ARHGAP22: variants seen among roughly 807,000 people sequenced by gnomAD.
The protein encoded by ARHGAP22 is Rho GTPase activating protein 22, also known as rho GTPase-activating protein 22.
A neutral mutation model predicts 59.1 loss-of-function variants in ARHGAP22; 48 were observed. The observed-to-expected ratio is 0.81, with a 90% CI of 0.64 to 1.03. ARHGAP22 has a LOEUF of 1.03. Ranked by LOEUF, ARHGAP22 falls within the 50% of genes least tolerant of loss-of-function variation. The pLI is 0.00. For synonymous variants in ARHGAP22, 445 were observed against 416.4 expected (o/e 1.07, Z -0.84); for missense variants, 1,015 against 958.7 (o/e 1.06, Z -0.78).
chr10:48,570,344 T>C (rs1225698798), intron 2 of ARHGAP22, among the ~76,000 whole-genome samples: 2 of 152,210 alleles, frequency 1.3e-5, no homozygotes, highest in Non-Finnish European at 2.9e-5. Context: ...TTTCAAGTTG[T>C]CCCCCAGGAC....
chr10:48,454,967 C>G (rs745354859), intron 6 of ARHGAP22, 35 bp downstream of exon 6: 2 of 1,540,554 alleles, frequency 1.3e-6, no homozygotes, highest in Non-Finnish European at 1.8e-6. Flanking sequence ...CCCAGCCAGC[C>G]CATCTCCCAG....
At chr10:48,486,036 T>G (rs571045567) in intron 3 of ARHGAP22, among the ~76,000 whole-genome samples, 2 of 152,122 alleles carry the variant, frequency 1.3e-5, no homozygotes, top group Non-Finnish European at 2.9e-5. Context: ...TTGTTTTGGA[T>G]GGAGTTTTTG....
At chr10:48,517,527 C>T (rs141161703) in intron 3 of ARHGAP22, among the ~76,000 whole-genome samples, 9 of 152,314 alleles carry the variant, frequency 5.9e-5, no homozygotes, top group Non-Finnish European at 7.3e-5. Flanking sequence ...CTCTTCCCTT[C>T]GGGAGTTCAG....
chr10:48,479,529 C>T (rs1319885469), intron 4 of ARHGAP22, 107 bp downstream of exon 4: 37 of 1,584,540 alleles, frequency 2.3e-5, no homozygotes, highest in Non-Finnish European at 2.4e-5. Context: ...AGGATGCAGC[C>T]AGCAAGTCCT....
chr10:48,552,449 G>C (rs1309846051), intron 3 of ARHGAP22, among the ~76,000 whole-genome samples: 1 of 152,244 alleles, frequency 6.6e-6, no homozygotes, highest in Non-Finnish European at 1.5e-5. Context: ...GAAGCCCCTT[G>C]TCCCCCCAGA....
At chr10:48,431,405 C>T in the ARHGAP22 span, 1 of 638,122 alleles carries the variant, frequency 1.6e-6, no homozygotes, top group Non-Finnish European at 2.7e-6. Flanking sequence ...TAAGGAAATA[C>T]AGTTTTGTTT....
Position 48,604,997 on chromosome 10 carries a change from A to G in ARHGAP22, c.-201T>C. 1 of 1,450,292 alleles carries G rather than the reference A, an allele frequency of 6.9e-7. No individual in the cohort carries two copies. The highest frequency in any genetic ancestry group is 9.0e-7 in the Non-Finnish European group (1 of 1,106,222). 89.8% of individuals were successfully genotyped at this position (1,450,292 alleles called of 1,614,324 possible). ...CCTTGGACTACATAAACCTCGATGC[A>G]TTATTTATCCATCCCAGAATTAATT... is the stretch of plus-strand genomic sequence containing the variant. On this transcript the variant is annotated 5_prime_UTR_variant, in exon 1 of 10. It removes an upstream start codon present in the reference 5' UTR. Transcript: ENST00000249601.
At chr10:48,615,733 C>A (rs547311521) in intron 1 of ARHGAP22, among the ~76,000 whole-genome samples, 3 of 152,020 alleles carry the variant, frequency 2.0e-5, no homozygotes, top group East Asian at 3.9e-4. Context: ...AAACCATGTA[C>A]AAAGATCTAA....
At chr10:48,582,814 A>C (rs889048784) in intron 2 of ARHGAP22, 139 bp downstream of exon 2, 1 of 979,756 alleles carries the variant, frequency 1.0e-6, no homozygotes, top group African/African-American at 1.6e-5. Flanking sequence ...AAGAATGAAA[A>C]TTACTTTGGA....
chr10:48,450,068 G>A (rs1309432209), intron 9 of ARHGAP22, among the ~76,000 whole-genome samples, 193 bp downstream of exon 9: 1 of 152,248 alleles, frequency 6.6e-6, no homozygotes, highest in Non-Finnish European at 1.5e-5. Flanking sequence ...GTGCCAGACT[G>A]ACTGCGTGCC....
chr10:48,461,344 G>A (rs2133813528), intron 4 of ARHGAP22, among the ~76,000 whole-genome samples: 1 of 152,212 alleles, frequency 6.6e-6, no homozygotes, highest in Admixed American at 6.5e-5. Flanking sequence ...CTGGGGTCCT[G>A]GTAACACTGT....
chr10:48,601,293 C>T (rs4500440), intron 1 of ARHGAP22, among the ~76,000 whole-genome samples: 3 of 152,314 alleles, frequency 2.0e-5, no homozygotes, highest in Non-Finnish European at 4.4e-5. Context: ...TGAAGGATCC[C>T]CCAGTCTGAG....
intron 3 of ARHGAP22, among the ~76,000 whole-genome samples, chr10:48,530,710 C>T (rs2054760990): frequency 6.6e-6 from 1 of 152,070 alleles, no homozygotes; most frequent in Admixed American, 6.5e-5. Flanking sequence ...AAATCAAAAC[C>T]ACAACGCGAT....
intron 3 of ARHGAP22, among the ~76,000 whole-genome samples, chr10:48,499,761 C>T (rs1411727053): frequency 6.6e-6 from 1 of 152,114 alleles, no homozygotes; most frequent in Non-Finnish European, 1.5e-5. Flanking sequence ...TAAAAGAATC[C>T]AGTAAATCAA....
intron 2 of ARHGAP22, among the ~76,000 whole-genome samples, chr10:48,576,856 G>A (rs539653206): frequency 1.3e-5 from 2 of 152,012 alleles, no homozygotes; most frequent in Non-Finnish European, 2.9e-5. Context: ...GGAATTCCTA[G>A]CATGGGCAGT....
intron 9 of ARHGAP22, 79 bp downstream of exon 9, chr10:48,450,182 C>A: frequency 6.5e-7 from 1 of 1,529,444 alleles, no homozygotes; most frequent in Non-Finnish European, 8.8e-7. Flanking sequence ...GGTTAGGGGC[C>A]GACGCCCATG....
intron 3 of ARHGAP22, among the ~76,000 whole-genome samples, chr10:48,505,555 G>A (rs1752071840): frequency 6.6e-6 from 1 of 152,044 alleles, no homozygotes; most frequent in African/African-American, 2.4e-5. Context: ...CCCCAATTCT[G>A]CATCACAAAA....
At chr10:48,500,591 T>C (rs926037852) in intron 3 of ARHGAP22, among the ~76,000 whole-genome samples, 1 of 151,674 alleles carries the variant, frequency 6.6e-6, no homozygotes, top group Non-Finnish European at 1.5e-5. Context: ...AAATACACAA[T>C]AGATCAAAGA....
rs774986189 is a variant in ARHGAP22 at position 48,450,959 on chromosome 10, C to T, written c.1170G>A (p.Ala390=). Residue 390 remains alanine, a synonymous_variant, in exon 9 of 10, where the codon GCG becomes GCA. Transcript: ENST00000249601. Reference sequence around the variant, plus strand: ...CCCCGTCCAGGGAAGAGGTCCTGTGCGCGGGCAGGCCGGGGCCGCCGGGCT... The same window carrying T: ...CCCCGTCCAGGGAAGAGGTCCTGTGTGCGGGCAGGCCGGGGCCGCCGGGCT... ...QGEPGGPGLP[A]HRTSSLDGAA... 2.7e-5 allele frequency: 43 copies of T among 1,576,294 alleles called. No homozygotes were observed. Among genetic ancestry groups the T allele is most frequent in the Non-Finnish European group, 3.6e-5 (42 of 1,162,048 alleles).
Sources: allele counts gnomAD v4.1 joint callset (sites outside exome capture counted in the v4.1 genomes callset), GRCh38; gene constraint gnomAD v4.1.1; transcripts MANE v1.5; gene names NCBI Gene and HGNC (gene_info 2026-07-23, HGNC 2026-07-21).